The following USP3 variants were observed in gnomAD, a reference collection of about 807,000 sequenced individuals.
The protein encoded by USP3 is ubiquitin carboxyl-terminal hydrolase 3.
A neutral mutation model predicts 72.3 loss-of-function variants in USP3; 20 were observed. The observed-to-expected ratio is 0.28, with a 90% CI of 0.19 to 0.40. The LOEUF (loss-of-function observed/expected upper bound fraction) is 0.40, where lower values mean the gene tolerates loss of function less well. Ranked by LOEUF, USP3 falls within the 10% of genes least tolerant of loss-of-function variation. The pLI, the probability that USP3 is intolerant of heterozygous loss-of-function variation, is 1.00. For synonymous variants in USP3, 222 were observed against 225.3 expected, an observed-to-expected ratio of 0.99 and a Z score of 0.13; for missense variants, 479 against 633.9, an observed-to-expected ratio of 0.76 and a Z score of 2.62.
chr15:63,522,073 A>G (rs1283620520), intron 1 of USP3, among the ~76,000 whole-genome samples: 1 of 152,132 alleles, frequency 6.6e-6, no homozygotes, highest in Non-Finnish European at 1.5e-5. Context: ...GCGAGGTCTC[A>G]CTATATTGCC....
intron 1 of USP3, among the ~76,000 whole-genome samples, chr15:63,525,377 C>T (rs1160385892): frequency 6.6e-6 from 1 of 152,100 alleles, no homozygotes; most frequent in African/African-American, 2.4e-5. Flanking sequence ...CTCCTGTTGC[C>T]CTTTATGAGA....
chr15:63,561,995 A>G (rs1304549051), intron 7 of USP3, among the ~76,000 whole-genome samples: 1 of 152,206 alleles, frequency 6.6e-6, no homozygotes, highest in Non-Finnish European at 1.5e-5. Flanking sequence ...CATAAAAGTC[A>G]GAGGCTGTCT....
intron 11 of USP3, among the ~76,000 whole-genome samples, chr15:63,583,495 A>G (rs2066999804): frequency 6.6e-6 from 1 of 152,202 alleles, no homozygotes; most frequent in Non-Finnish European, 1.5e-5. Context: ...TAAAATATAC[A>G]TAGAATAAAA....
At chr15:63,509,737 C>T (rs74024860) in intron 1 of USP3, among the ~76,000 whole-genome samples, 1,792 of 152,222 alleles carry the variant, frequency 0.012, 30 homozygotes, top group African/African-American at 0.041. Context: ...AATCTTAGAG[C>T]AATCTCAGCT....
At chr15:63,566,948 C>T (rs996814433) in intron 8 of USP3, among the ~76,000 whole-genome samples, 2 of 152,130 alleles carry the variant, frequency 1.3e-5, no homozygotes, top group South Asian at 2.1e-4. Context: ...ATGAGCAGAA[C>T]CTAAAATTCT....
intron 1 of USP3, among the ~76,000 whole-genome samples, chr15:63,508,478 A>G (rs2065742023): frequency 6.6e-6 from 1 of 152,198 alleles, no homozygotes; most frequent in Non-Finnish European, 1.5e-5. Flanking sequence ...GTTTAAGGTA[A>G]ATGTTGAAAA....
intron 1 of USP3, among the ~76,000 whole-genome samples, chr15:63,530,145 AC>A (rs1567097609): frequency 1.3e-5 from 2 of 152,116 alleles, no homozygotes; most frequent in Non-Finnish European, 2.9e-5. Flanking sequence ...TCAAAACAAA[AC>A]AAAAACACAA....
At chr15:63,571,684 A>G (rs530410695) in intron 9 of USP3, among the ~76,000 whole-genome samples, 1 of 151,898 alleles carries the variant, frequency 6.6e-6, no homozygotes, top group East Asian at 1.9e-4. Flanking sequence ...ATATGTCTTT[A>G]TGATTTTACA....
At position 63,517,037 on chromosome 15, in the gene USP3, A is replaced by AT. The variant is rs200401628; in HGVS notation, c.91+12218dup. Reference sequence around the variant, plus strand: ...TTCTAGTTTCTGGTATATTTCCTTGATTTTTTTTTTTATTATATTATACTT... The same window carrying AT: ...TTCTAGTTTCTGGTATATTTCCTTGATTTTTTTTTTTTATTATATTATACTT... On this transcript the variant is annotated intron_variant, in intron 1 of 14. Coordinates refer to ENST00000380324, the MANE Select transcript of USP3 (RefSeq NM_006537.4). Among the ~76,000 whole-genome samples the AT allele has an allele frequency of 1.0e-3, 147 of 142,510 alleles. 1 individual carries two copies. Among genetic ancestry groups the AT allele is most frequent in the Middle Eastern group, 3.6e-3 (1 of 276 alleles). 93.5% of individuals were successfully genotyped at this position (142,510 alleles called of 152,430 possible). A position where few individuals can be genotyped will look rare whatever the true frequency, so the allele number is the denominator to read the frequency against.
chr15:63,521,217 T>C (rs2065916822), intron 1 of USP3, among the ~76,000 whole-genome samples: 1 of 152,106 alleles, frequency 6.6e-6, no homozygotes, highest in African/African-American at 2.4e-5. Flanking sequence ...TATTCTCTTT[T>C]TTAAAACAGC....
At chr15:63,518,697 T>C (rs2065881203) in intron 1 of USP3, among the ~76,000 whole-genome samples, 1 of 152,194 alleles carries the variant, frequency 6.6e-6, no homozygotes, top group African/African-American at 2.4e-5. Context: ...ACTCTCTGTT[T>C]ATATATTTCC....
chr15:63,531,893 C>T (rs74018960), intron 1 of USP3, among the ~76,000 whole-genome samples: 2,213 of 152,230 alleles, frequency 0.015, 57 homozygotes, highest in African/African-American at 0.051. Context: ...TTCCCCACGC[C>T]AATGTAGATA....
In USP3 at chr15:63,574,667, A is replaced by G. The variant is rs1327353146; in HGVS notation, c.1096+264A>G. ...GACTTTAAAATAGAAGGTCTGTAGC[A>G]AAAGTTTTTCTGACCAAATGAAACA... On this transcript the variant is annotated intron_variant, in intron 11 of 14. Coordinates refer to ENST00000380324, the MANE Select transcript of USP3 (RefSeq NM_006537.4). The surrounding 1 kb of genome is among the most constrained non-coding windows in gnomAD (Gnocchi z 4.6). Among the ~76,000 whole-genome samples the G allele has an allele frequency of 6.6e-6, 1 of 152,242 alleles. No homozygotes were observed. Among genetic ancestry groups the G allele is most frequent in the East Asian group, 1.9e-4 (1 of 5,202 alleles).
intron 1 of USP3, among the ~76,000 whole-genome samples, chr15:63,521,464 C>A (rs2065919988): frequency 6.6e-6 from 1 of 152,204 alleles, no homozygotes; most frequent in African/African-American, 2.4e-5. Context: ...CTGCCTACTC[C>A]ACACTTCCAC....
chr15:63,579,920 C>T (rs754803596), intron 11 of USP3, among the ~76,000 whole-genome samples: 1 of 152,070 alleles, frequency 6.6e-6, no homozygotes, highest in Non-Finnish European at 1.5e-5. Context: ...AGAGGACACT[C>T]GTGTTGTTGT....
intron 3 of USP3, among the ~76,000 whole-genome samples, chr15:63,539,218 A>T (rs2066206209): frequency 6.6e-6 from 1 of 152,046 alleles, no homozygotes; most frequent in Non-Finnish European, 1.5e-5. Context: ...TGCTTTAGAC[A>T]ACAGAAATTA....
At chr15:63,584,974 T>C (rs2067031468) in intron 11 of USP3, among the ~76,000 whole-genome samples, 1 of 152,156 alleles carries the variant, frequency 6.6e-6, no homozygotes, top group Non-Finnish European at 1.5e-5. Flanking sequence ...TGTTGATACC[T>C]AGTTTCCCCA....
intron 7 of USP3, 46 bp downstream of exon 7, chr15:63,560,016 A>T (rs751405646): frequency 5.2e-6 from 8 of 1,531,176 alleles, no homozygotes; most frequent in Non-Finnish European, 7.1e-6. Flanking sequence ...TTACAAAACA[A>T]ATTACTTTCA....
intron 1 of USP3, among the ~76,000 whole-genome samples, chr15:63,510,847 A>G (rs2065771493): frequency 2.0e-5 from 3 of 152,180 alleles, no homozygotes; most frequent in Admixed American, 2.0e-4. Context: ...TTGAGAATGT[A>G]GGTAAGAATA....
Sources: allele counts gnomAD v4.1 joint callset (sites outside exome capture counted in the v4.1 genomes callset), GRCh38; gene constraint gnomAD v4.1.1; non-coding constraint Gnocchi (gnomAD v3.1); transcripts MANE v1.5; gene names NCBI Gene and HGNC (gene_info 2026-07-23, HGNC 2026-07-21).